The following ELP6 variants were observed in gnomAD, a reference collection of about 807,000 sequenced individuals.
ELP6 encodes the protein elongator acetyltransferase complex subunit 6, also known as elongator complex protein 6.
In ELP6, 23 loss-of-function variants were observed where a neutral mutation model predicts 28.1. The observed-to-expected ratio is 0.82, with a 90% CI of 0.59 to 1.16. The LOEUF is 1.16. ELP6 is among the 50% of genes most tolerant of loss of function. The probability of loss-of-function intolerance (pLI) is 0.00; values close to 1 mark genes in which losing one functional copy is unlikely to be tolerated. For missense variants in ELP6, 313 were observed against 334.6 expected (o/e 0.94, Z 0.50); for synonymous variants, 132 against 135.8 (o/e 0.97, Z 0.19).
chr3:47,498,710 C>T, intron 5 of ELP6: 1 of 985,352 alleles, frequency 1.0e-6, no homozygotes, highest in Non-Finnish European at 1.2e-6. Context: ...CTCCTGAATT[C>T]CTGAATGTTA....
At position 47,510,308 on chromosome 3, in the gene ELP6, C is replaced by G. The variant is rs574636925; in HGVS notation, c.134-54G>C. On this transcript the variant is annotated intron_variant, in intron 2 of 6. Transcript: ENST00000296149. ...AATCCTCTGGTTACAACCAGACTCA[C>G]TGATTTCATACCTCTGGAAAAAAAA... is the stretch of plus-strand genomic sequence containing the variant. The G allele has an allele frequency of 2.4e-4, 351 of 1,483,310 alleles. 5 individuals carry two copies. The South Asian group carries it at 3.8e-3, about 16-fold the overall frequency. The allele number at this position is 1,483,310 out of a possible 1,614,324, so 91.9% of individuals were successfully genotyped here.
chr3:47,512,695 G>C (rs1160282159), intron 1 of ELP6: 1 of 985,330 alleles, frequency 1.0e-6, no homozygotes, highest in Non-Finnish European at 1.2e-6. Flanking sequence ...GACGGACTTG[G>C]TCCAAGCCAA....
At chr3:47,503,311 CG>C (rs1469283324) in intron 4 of ELP6, 13 of 1,287,672 alleles carry the variant, frequency 1.0e-5, no homozygotes, top group African/African-American at 1.5e-5. Flanking sequence ...TTGTAGTGGA[CG>C]AAGAACAGCA....
At chr3:47,503,533 C>T in intron 4 of ELP6, 3 of 717,670 alleles carry the variant, frequency 4.2e-6, no homozygotes, top group Non-Finnish European at 6.1e-6. Flanking sequence ...AGTGCAAAAA[C>T]AGCCAAGGAC....
chr3:47,497,657 G>A (rs1054986641), intron 6 of ELP6, among the ~76,000 whole-genome samples: 4 of 149,602 alleles, frequency 2.7e-5, no homozygotes, highest in African/African-American at 9.8e-5. Flanking sequence ...GGGCACGGTG[G>A]CTCACACCTG....
At chr3:47,511,086 G>A in intron 2 of ELP6, 62 bp downstream of exon 2, 7 of 1,405,024 alleles carry the variant, frequency 5.0e-6, no homozygotes, top group Non-Finnish European at 5.0e-6. Context: ...AAATAGTTTT[G>A]GTTTTTATTA....
Position 47,499,795 on chromosome 3 carries a change from G to A in ELP6, c.526-1363C>T, listed in dbSNP as rs1004183071. The A allele has an allele frequency of 3.2e-5, 35 of 1,078,600 alleles. No homozygotes were observed. The African/African-American group carries it at 4.8e-4, about 15-fold the overall frequency. 66.8% of individuals were successfully genotyped at this position (1,078,600 alleles called of 1,614,324 possible). On this transcript the variant is annotated intron_variant, in intron 5 of 6. Coordinates refer to ENST00000296149, the MANE Select transcript of ELP6 (RefSeq NM_001031703.3). ...ATGGCCAGGCCGGGGTCTGAGTTGG[G>A]GTTCTGTCCCTGCTGGGCTGTGGCC...
At chr3:47,511,990 C>T (rs1436319018) in intron 1 of ELP6, 1 of 984,946 alleles carries the variant, frequency 1.0e-6, no homozygotes, top group Non-Finnish European at 1.2e-6. Flanking sequence ...AGTGTTACCC[C>T]TAGTGCTGTC....
chr3:47,501,469 C>A (rs1559588114), intron 5 of ELP6, 181 bp downstream of exon 5: 2 of 619,356 alleles, frequency 3.2e-6, no homozygotes, highest in East Asian at 2.8e-5. Context: ...TTTTGGGGGG[C>A]TTTACTTTTC....
intron 1 of ELP6, among the ~76,000 whole-genome samples, chr3:47,512,439 C>G (rs1308383699): frequency 6.6e-6 from 1 of 152,162 alleles, no homozygotes; most frequent in Non-Finnish European, 1.5e-5. Context: ...GCAATCCCAG[C>G]TACTTGGGAG....
At chr3:47,498,111 G>A (rs1708531079) in intron 6 of ELP6, 175 bp downstream of exon 6, 1 of 1,363,308 alleles carries the variant, frequency 7.3e-7, no homozygotes, top group East Asian at 2.5e-5. Flanking sequence ...GGTCCATGAG[G>A]CTAAGCGCAA....
At chr3:47,502,960 G>A in intron 4 of ELP6, 1 of 857,468 alleles carries the variant, frequency 1.2e-6, no homozygotes, top group Non-Finnish European at 1.4e-6. Context: ...AAGCCAGCTT[G>A]CCTATCTCCG....
At chr3:47,506,652 A>G (rs1394302186) in intron 3 of ELP6, among the ~76,000 whole-genome samples, 1 of 152,194 alleles carries the variant, frequency 6.6e-6, no homozygotes, top group Non-Finnish European at 1.5e-5. Flanking sequence ...TTGTTTCCTA[A>G]ACATTGCTGT....
intron 5 of ELP6, chr3:47,500,052 GA>G: frequency 7.8e-7 from 1 of 1,277,506 alleles, no homozygotes; most frequent in Admixed American, 2.6e-5. Flanking sequence ...CTTTTGAGCA[GA>G]AAACCCTCAT....
chr3:47,497,692 AG>A lies in ELP6; in HGVS notation c.672+593del, dbSNP rs1283800097. ...GTAATCCCAGCACTTTGGGAAGCAA[AG>A]GGGGGTGGGGGTGGATCACGAGGTC... On this transcript the variant is annotated intron_variant, in intron 6 of 6. Coordinates refer to ENST00000296149, the MANE Select transcript of ELP6 (RefSeq NM_001031703.3). Among the ~76,000 whole-genome samples, 4 of 147,366 alleles carry A rather than the reference AG, an allele frequency of 2.7e-5. No homozygotes were observed. The East Asian group carries it at 9.2e-4, about 34-fold the overall frequency.
intron 6 of ELP6, chr3:47,496,868 A>G: frequency 1.0e-6 from 1 of 985,358 alleles, no homozygotes; most frequent in Non-Finnish European, 1.2e-6. Flanking sequence ...TAGAATTTGT[A>G]CATTCACTAC....
At chr3:47,505,228 T>C (rs1012060120) in intron 3 of ELP6, among the ~76,000 whole-genome samples, 9 of 152,100 alleles carry the variant, frequency 5.9e-5, no homozygotes, top group African/African-American at 2.2e-4. Flanking sequence ...ATCTCACCAG[T>C]GCCCTCCAGC....
intron 5 of ELP6, chr3:47,499,968 T>C (rs1708598369): frequency 7.4e-7 from 1 of 1,350,062 alleles, no homozygotes; most frequent in African/African-American, 1.5e-5. Context: ...TCGGCCAAGT[T>C]TGAGGGGAAG....
chr3:47,513,153 G>T, intron 1 of ELP6: 1 of 893,288 alleles, frequency 1.1e-6, no homozygotes, highest in Non-Finnish European at 1.4e-6. Context: ...ACCACGCCCG[G>T]CTAATTTTTG....
Sources: allele counts gnomAD v4.1 joint callset (sites outside exome capture counted in the v4.1 genomes callset), GRCh38; gene constraint gnomAD v4.1.1; transcripts MANE v1.5; gene names NCBI Gene and HGNC (gene_info 2026-07-23, HGNC 2026-07-21).